The following COBLL1 variants were observed in gnomAD, a reference collection of about 807,000 sequenced individuals.
The protein encoded by COBLL1 is cordon-bleu protein-like 1.
A neutral mutation model predicts 94.8 loss-of-function variants in COBLL1; 50 were observed. The observed-to-expected ratio is 0.53, with a 90% CI of 0.42 to 0.67. The LOEUF is 0.67. COBLL1 is among the 30% of genes least tolerant of loss of function. COBLL1 has a pLI of 0.00. For missense variants in COBLL1, 1,362 were observed against 1,348.7 expected, an observed-to-expected ratio of 1.01 and a Z score of -0.15; for synonymous variants, 448 against 473.8, an observed-to-expected ratio of 0.95 and a Z score of 0.71.
rs1242287779 is a variant in COBLL1 at position 164,694,825 on chromosome 2, C to T, written c.2567G>A (p.Arg856Gln). ...GGGTTTGGCCTGGGCATTTGAAGCC[C>T]GAGATTTAAATTTTGATTCCAAAAT... Reference protein sequence around the residue: ...NNILESKFKSRASNAQAKPSS... With the variant: ...NNILESKFKSQASNAQAKPSS... The change falls in exon 12 of 14, where the codon CGG becomes CAG. Residue 856 changes from arginine (R) to glutamine (Q), a missense_variant. Transcript: ENST00000652658. The T allele has an allele frequency of 9.9e-6, 16 of 1,613,622 alleles. No individual in the cohort carries two copies. The highest frequency in any genetic ancestry group is 2.7e-5 in the African/African-American group (2 of 74,826).
chr2:164,763,411 T>C (rs952931483), intron 2 of COBLL1, among the ~76,000 whole-genome samples: 12 of 152,136 alleles, frequency 7.9e-5, no homozygotes, highest in Non-Finnish European at 1.6e-4. Flanking sequence ...ATTTTCCCTA[T>C]AGAGAAATAT....
intron 2 of COBLL1, among the ~76,000 whole-genome samples, 177 bp downstream of exon 2, chr2:164,840,979 C>T (rs1173223259): frequency 6.6e-6 from 1 of 152,154 alleles, no homozygotes; most frequent in African/African-American, 2.4e-5. Context: ...GCCCTCCGCC[C>T]GGGCGGCCTC....
intron 2 of COBLL1, among the ~76,000 whole-genome samples, chr2:164,821,062 T>A (rs997046207): frequency 2.0e-5 from 3 of 152,096 alleles, no homozygotes; most frequent in African/African-American, 7.2e-5. Flanking sequence ...TAATTTTTTT[T>A]ATTTTTAGTA....
At chr2:164,660,518 C>T (rs926143060) in intron 2 of COBLL1, among the ~76,000 whole-genome samples, 1 of 152,142 alleles carries the variant, frequency 6.6e-6, no homozygotes, top group African/African-American at 2.4e-5. Context: ...GAGGAGGAGA[C>T]TCACAAAGTT....
chr2:164,805,992 C>T (rs355794), intron 2 of COBLL1, among the ~76,000 whole-genome samples: 105,385 of 152,092 alleles, frequency 0.69, 38,262 homozygotes, highest in African/African-American at 0.92. Flanking sequence ...CATTTGGTGT[C>T]GTCCATGTCT....
chr2:164,821,093 T>C (rs1195734152), intron 2 of COBLL1, among the ~76,000 whole-genome samples: 1 of 152,060 alleles, frequency 6.6e-6, no homozygotes, highest in Admixed American at 6.6e-5. Flanking sequence ...TTCACCATGT[T>C]GGCCAGGATG....
At chr2:164,677,177 A>G (rs189398783), downstream of COBLL1, among the ~76,000 whole-genome samples, 422 of 152,224 alleles carry the variant, frequency 2.8e-3, 1 homozygote, top group African/African-American at 9.5e-3. Context: ...CTTTCTTCAA[A>G]ATTTTTGTCC....
intron 7 of COBLL1, among the ~76,000 whole-genome samples, chr2:164,713,413 C>T (rs1231340749): frequency 2.0e-5 from 3 of 152,098 alleles, no homozygotes. Flanking sequence ...AATTTTAATG[C>T]TGCTCCTACC....
At chr2:164,749,543 A>G (rs1003949803) in intron 2 of COBLL1, among the ~76,000 whole-genome samples, 2 of 152,190 alleles carry the variant, frequency 1.3e-5, no homozygotes, top group Non-Finnish European at 2.9e-5. Context: ...TTGAAGACCA[A>G]TTTCTCAACA....
intron 7 of COBLL1, among the ~76,000 whole-genome samples, chr2:164,720,423 C>T (rs1386043886): frequency 6.6e-6 from 1 of 152,084 alleles, no homozygotes; most frequent in Non-Finnish European, 1.5e-5. Flanking sequence ...ACATAGACCT[C>T]TTGGGGAGCC....
rs75217184 is a variant in COBLL1, at chr2:164,797,837, T to A, written c.41+43319A>T. On this transcript the variant is annotated intron_variant, in intron 2 of 13. Coordinates refer to ENST00000652658, the MANE Select transcript of COBLL1 (RefSeq NM_001365672.2). ...CCATTTCTTTACTTTCTTTTTCTTA[T>A]ACAAGAACAAGTAATAGCAGATACA... Among the ~76,000 whole-genome samples the A allele has an allele frequency of 1.1e-3, 160 of 152,322 alleles. 4 individuals carry two copies. In the East Asian group the frequency reaches 0.029, roughly 28 times the overall value.
chr2:164,678,485 C>T (rs542119096), downstream of COBLL1, among the ~76,000 whole-genome samples: 6 of 152,170 alleles, frequency 3.9e-5, no homozygotes, highest in African/African-American at 1.4e-4. Context: ...GAAGCAAAGC[C>T]TTAAAACTTT....
chr2:164,789,020 A>AACACACACACACACAC (rs56773751), intron 2 of COBLL1, among the ~76,000 whole-genome samples: 5,143 of 141,498 alleles, frequency 0.036, 162 homozygotes, highest in Non-Finnish European at 0.053. Context: ...TAGAGGTTTA[A>AACACACACACACACAC]ACACACACAC....
intron 2 of COBLL1, among the ~76,000 whole-genome samples, chr2:164,816,439 C>A (rs1354552103): frequency 2.0e-5 from 3 of 152,170 alleles, no homozygotes; most frequent in South Asian, 2.1e-4. Flanking sequence ...GTACAGACAG[C>A]AAAGACTTTT....
At chr2:164,677,081 C>T (rs1691351572), downstream of COBLL1, among the ~76,000 whole-genome samples, 2 of 152,038 alleles carry the variant, frequency 1.3e-5, no homozygotes, top group African/African-American at 4.8e-5. Flanking sequence ...TTTATCAAGC[C>T]TCCTTTTAAA....
chr2:164,766,077 C>G (rs548482600), intron 2 of COBLL1, among the ~76,000 whole-genome samples: 2 of 152,168 alleles, frequency 1.3e-5, no homozygotes, highest in Non-Finnish European at 2.9e-5. Context: ...GCTTCTTCCA[C>G]TGAAGCAGCT....
chr2:164,699,034 G>A (rs931359069), intron 11 of COBLL1, among the ~76,000 whole-genome samples: 3 of 151,768 alleles, frequency 2.0e-5, no homozygotes, highest in Non-Finnish European at 2.9e-5. Context: ...GAAACAGATC[G>A]CAAATAGATA....
chr2:164,816,712 T>C (rs538577399), intron 2 of COBLL1, among the ~76,000 whole-genome samples: 7 of 152,276 alleles, frequency 4.6e-5, no homozygotes, highest in African/African-American at 1.7e-4. Flanking sequence ...GGGGGACTTA[T>C]CAACATGCAT....
intron 5 of COBLL1, chr2:164,723,779 C>CTCAT (rs1685578973): frequency 6.6e-6 from 1 of 150,918 alleles, no homozygotes; most frequent in Non-Finnish European, 1.5e-5. Flanking sequence ...TTTTTCTTTT[C>CTCAT]TTATTTATTT....
Sources: gnomAD v4.1 joint callset for allele counts (sites outside exome capture counted in the v4.1 genomes callset) on GRCh38, gnomAD v4.1.1 for gene constraint, MANE v1.5 for transcripts, NCBI Gene and HGNC (gene_info 2026-07-23, HGNC 2026-07-21) for gene names.